Variants in GBA2 observed in about 807,000 individuals in gnomAD.
GBA2 encodes glucosylceramidase beta 2.
Under a neutral mutation model 112.9 loss-of-function variants are expected in GBA2, and 79 were observed. The ratio of observed to expected loss-of-function variants is 0.70; its 90% CI spans 0.58 to 0.84. GBA2 has a LOEUF of 0.84. GBA2 is among the 40% of genes least tolerant of loss of function. GBA2 has a pLI of 0.00. For missense variants in GBA2, 1,043 were observed against 1,190.0 expected, an observed-to-expected ratio of 0.88 and a Z score of 1.82; for synonymous variants, 403 against 434.3, an observed-to-expected ratio of 0.93 and a Z score of 0.90.
At chr9:35,744,219 C>A in intron 3 of GBA2, 78 bp downstream of exon 3, 1 of 806,674 alleles carries the variant, frequency 1.2e-6, no homozygotes, top group Non-Finnish European at 2.2e-6. Context: ...TAACTGCTAC[C>A]TTCTACACTA....
Position 35,741,024 on chromosome 9 carries a change from T to C in GBA2, c.827A>G (p.Glu276Gly). ...LPVGVFVWDV[E>G]NEGDEALDVS... ...ATCTAGAGCTTCGTCCCCTTCATTT[T>C]CCACATCCCACACAAAGACTCCTAC... The change falls in exon 5 of 17, where the codon GAA becomes GGA. Residue 276 changes from glutamate to glycine, a missense_variant. Transcript: ENST00000378103. This position sits in a 1 kb window ranked among gnomAD's most constrained non-coding sequence, Gnocchi z 4.6. 6.2e-7 allele frequency: 1 copy of C among 1,614,130 alleles called. No homozygotes were observed. Among genetic ancestry groups the C allele is most frequent in the Non-Finnish European group, 8.5e-7 (1 of 1,180,004 alleles).
rs954983731 is a variant in GBA2 at position 35,743,160 on chromosome 9, G to A, written c.567+1137C>T. The A allele has an allele frequency of 2.6e-5, 4 of 153,754 alleles. No individual in the cohort carries two copies. In the South Asian group the frequency reaches 6.2e-4, roughly 24 times the overall value. The allele number at this position is 153,754 out of a possible 1,614,324, so 9.5% of individuals were successfully genotyped here. ...GGCCCAACCCCCCATGGATACTGAGGGACAACTGTATAAAATAATTTTTCA... is the reference window on the plus strand; with the variant it reads ...GGCCCAACCCCCCATGGATACTGAGAGACAACTGTATAAAATAATTTTTCA... On this transcript the variant is annotated intron_variant, in intron 3 of 16. Coordinates refer to ENST00000378103, the MANE Select transcript of GBA2 (RefSeq NM_020944.3).
intron 3 of GBA2, among the ~76,000 whole-genome samples, chr9:35,742,510 C>T (rs1206512738): frequency 6.6e-6 from 1 of 152,182 alleles, no homozygotes; most frequent in African/African-American, 2.4e-5. Flanking sequence ...TATGTGTGCC[C>T]CCCTCCCCTT....
rs1470701508 is a variant in GBA2, at chr9:35,737,111, A to G, written c.*58T>C. On this transcript the variant is annotated 3_prime_UTR_variant, in exon 17 of 17. Transcript: ENST00000378103. This position sits in a 1 kb window ranked among gnomAD's most constrained non-coding sequence, Gnocchi z 4.1. ...GTTGCAGGAGGTTCAGAGGGGAAGG[A>G]GGAAAGGCCAGGCTGGAGGCTGGGC... 3 of 1,559,394 alleles carry G rather than the reference A, an allele frequency of 1.9e-6. No individual in the cohort carries two copies. The highest frequency in any genetic ancestry group is 2.4e-5 in the South Asian group (2 of 84,024).
Position 35,748,868 on chromosome 9 carries a change from GT to G in GBA2, c.-165del, listed in dbSNP as rs537513503. 25 of 565,270 alleles carry G rather than the reference GT, an allele frequency of 4.4e-5. No homozygotes were observed. The African/African-American group carries it at 4.7e-4, about 11-fold the overall frequency. 35.0% of individuals were successfully genotyped at this position (565,270 alleles called of 1,614,324 possible). Reference sequence around the variant, plus strand: ...GTGGAGCCGGGGAGCTCTTGCTTCAGTGGGGGCGGCGACAGCAAAGAAGCCG... The same window carrying G: ...GTGGAGCCGGGGAGCTCTTGCTTCAGGGGGGCGGCGACAGCAAAGAAGCCG... On this transcript the variant is annotated 5_prime_UTR_variant, in exon 1 of 17. It introduces an in-frame stop codon into an upstream open reading frame of the 5' UTR. Transcript: ENST00000378103.
chr9:35,743,015 A>G (rs949811206), intron 3 of GBA2, among the ~76,000 whole-genome samples: 1 of 152,216 alleles, frequency 6.6e-6, no homozygotes, highest in African/African-American at 2.4e-5. Flanking sequence ...ACAATGTATG[A>G]GGTATTATAA....
At chr9:35,747,677 C>T (rs1827043143) in intron 1 of GBA2, among the ~76,000 whole-genome samples, 1 of 152,214 alleles carries the variant, frequency 6.6e-6, no homozygotes, top group East Asian at 1.9e-4. Flanking sequence ...ATGGGTCTGG[C>T]TCCTCATCAC....
intron 10 of GBA2, 86 bp downstream of exon 10, chr9:35,739,229 G>A (rs1826474877): frequency 1.9e-6 from 2 of 1,072,330 alleles, no homozygotes; most frequent in Non-Finnish European, 2.9e-6. Context: ...TGAAGGGAAG[G>A]GAAAGAAGAG....
At position 35,744,723 on chromosome 9, in the gene GBA2, A is replaced by G; in HGVS notation, c.360-17T>C. ...TGCAGGTACCTGAGGAGCAAGAGGC[A>G]ATGTGAGTGGAAGGGGGCAGGTGGG... On this transcript the variant is annotated splice_polypyrimidine_tract_variant and intron_variant, in intron 1 of 16. Coordinates refer to ENST00000378103, the MANE Select transcript of GBA2 (RefSeq NM_020944.3). The G allele has an allele frequency of 1.4e-6, 2 of 1,443,552 alleles. No homozygotes were observed. Among genetic ancestry groups the G allele is most frequent in the Non-Finnish European group, 2.0e-6 (2 of 1,024,248 alleles). The allele number at this position is 1,443,552 out of a possible 1,614,324, so 89.4% of individuals were successfully genotyped here.
chr9:35,738,160 C>A lies in GBA2; in HGVS notation c.2198-8G>T, dbSNP rs771881328. 1.9e-6 allele frequency: 3 copies of A among 1,613,394 alleles called. No individual in the cohort carries two copies. The highest frequency in any genetic ancestry group is 3.3e-5 in the Admixed American group (2 of 60,022). ...CATAGTTGTAATAGCGGCCTGGAGT[C>A]GAGGAAGAGAAAAATAAGGCTCCTG... On this transcript the variant is annotated splice_region_variant and splice_polypyrimidine_tract_variant and intron_variant, in intron 14 of 16. Coordinates refer to ENST00000378103, the MANE Select transcript of GBA2 (RefSeq NM_020944.3).
intron 9 of GBA2, 74 bp downstream of exon 9, chr9:35,739,554 A>C (rs1588010151): frequency 7.0e-7 from 1 of 1,433,828 alleles, no homozygotes; most frequent in Non-Finnish European, 9.7e-7. Flanking sequence ...CCTAACCAAT[A>C]CCCTGGGGTA....
chr9:35,748,407 G>A lies in GBA2; in HGVS notation c.298C>T (p.Pro100Ser), dbSNP rs1229527886. Residue 100 changes from proline (P) to serine (S), a missense_variant, in exon 1 of 17, where the codon CCC becomes TCC. Physicochemically the swap from Pro to Ser is moderately conservative, Grantham distance 74. Coordinates refer to ENST00000378103, the MANE Select transcript of GBA2 (RefSeq NM_020944.3). Reference sequence around the variant, plus strand: ...AGGGAGACGTTGTTAGCTTGAAAGGGTTTCCTCTTCTCTGTAAACTCATGA... The same window carrying A: ...AGGGAGACGTTGTTAGCTTGAAAGGATTTCCTCTTCTCTGTAAACTCATGA... ...LAHEFTEKRK[P>S]FQANNVSLSN... is the part of the protein sequence containing the mutation. The A allele has an allele frequency of 6.2e-7, 1 of 1,614,062 alleles. No homozygotes were observed.
rs1826565920 is a variant in GBA2 at position 35,740,204 on chromosome 9, C to G, written c.1283+5G>C. On this transcript the variant is annotated splice_donor_5th_base_variant and intron_variant, in intron 7 of 16. Coordinates refer to ENST00000378103, the MANE Select transcript of GBA2 (RefSeq NM_020944.3). The surrounding 1 kb of genome is among the most constrained non-coding windows in gnomAD (Gnocchi z 4.7). The stretch of plus-strand genomic sequence containing the variant: ...TGGATCCTTACACTTTCTTGGTCCC[C>G]TCACCTGTAGTGGACTTGGCCTTTA... 6.2e-7 allele frequency: 1 copy of G among 1,613,952 alleles called. No individual in the cohort carries two copies. The highest frequency in any genetic ancestry group is 8.5e-7 in the Non-Finnish European group (1 of 1,179,966).
rs181070944 is a variant in GBA2 at position 35,741,541 on chromosome 9, G to C, written c.786+131C>G. 1.4e-6 allele frequency: 1 copy of C among 727,982 alleles called. No individual in the cohort carries two copies. The highest frequency in any genetic ancestry group is 1.5e-5 in the South Asian group (1 of 66,072). The allele number at this position is 727,982 out of a possible 1,614,324, so 45.1% of individuals were successfully genotyped here. On this transcript the variant is annotated intron_variant, in intron 4 of 16. Coordinates refer to ENST00000378103, the MANE Select transcript of GBA2 (RefSeq NM_020944.3). This position sits in a 1 kb window ranked among gnomAD's most constrained non-coding sequence, Gnocchi z 4.6. ...TCTCGATCTCCTGATCTCATGATCC[G>C]CCTGCCTTGGCCTCCCAAAGTGTTG...
Position 35,748,563 on chromosome 9 carries a change from G to A in GBA2, c.142C>T (p.Pro48Ser). 1 of 1,614,144 alleles carries A rather than the reference G, an allele frequency of 6.2e-7. No homozygotes were observed. The highest frequency in any genetic ancestry group is 8.5e-7 in the Non-Finnish European group (1 of 1,179,984). Residue 48 changes from proline (P) to serine (S), a missense_variant, in exon 1 of 17, where the codon CCC (proline) becomes TCC (serine). Physicochemically the swap from Pro to Ser is moderately conservative, Grantham distance 74. Coordinates refer to ENST00000378103, the MANE Select transcript of GBA2 (RefSeq NM_020944.3). Reference sequence around the variant, plus strand: ...TCTTTTGGGGGTCGGCTGTCTTCGGGACTCTTACAGTCTGTAACCTGCACA... The same window carrying A: ...TCTTTTGGGGGTCGGCTGTCTTCGGAACTCTTACAGTCTGTAACCTGCACA... The part of the protein sequence containing the change: ...KDVQVTDCKS[P>S]EDSRPPKETD...
Position 35,737,656 on chromosome 9 carries a change from C to T in GBA2, c.2505+92G>A. ...GAGGCTTTATAGACGGACAAGATGG[C>T]ATTGGGTTATGCCTTGAAGAAATTT... is the stretch of plus-strand genomic sequence containing the variant. On this transcript the variant is annotated intron_variant, in intron 16 of 16. Coordinates refer to ENST00000378103, the MANE Select transcript of GBA2 (RefSeq NM_020944.3). This position sits in a 1 kb window ranked among gnomAD's most constrained non-coding sequence, Gnocchi z 4.1. The T allele has an allele frequency of 1.2e-6, 2 of 1,610,212 alleles. No homozygotes were observed. Among genetic ancestry groups the T allele is most frequent in the Non-Finnish European group, 1.7e-6 (2 of 1,177,714 alleles).
At chr9:35,745,213 C>T (rs1232498674) in intron 1 of GBA2, among the ~76,000 whole-genome samples, 1 of 152,096 alleles carries the variant, frequency 6.6e-6, no homozygotes, top group Non-Finnish European at 1.5e-5. Flanking sequence ...AACTCCGCCT[C>T]CCAAGTTCAA....
rs1215536104 is a variant in GBA2, at chr9:35,746,137, A to T, written c.360-1431T>A. On this transcript the variant is annotated intron_variant, in intron 1 of 16. Transcript: ENST00000378103. This position sits in a 1 kb window ranked among gnomAD's most constrained non-coding sequence, Gnocchi z 5.2. ...TTCCTTGGGGAAAGGGACAATGACA[A>T]AGACTAGCTGAATATTACCCTCAGG... Among the ~76,000 whole-genome samples, 1 of 152,254 alleles carries T rather than the reference A, an allele frequency of 6.6e-6. No homozygotes were observed. The highest frequency in any genetic ancestry group is 6.5e-5 in the Admixed American group (1 of 15,286).
In GBA2 at chr9:35,739,697, C is replaced by T. The variant is rs376682234; in HGVS notation, c.1513G>A (p.Glu505Lys). 5 of 1,614,016 alleles carry T rather than the reference C, an allele frequency of 3.1e-6. No individual in the cohort carries two copies. In the African/African-American group the frequency reaches 4.0e-5, roughly 13 times the overall value. ...AGGTGACACATGTTTCTGCCCAGCT[C>T]CTCTGGTAGGGAGTCCTCAAGAACT... ...LEVLEDSLPE[E>K]LGRNMCHLRP... The change falls in exon 9 of 17, where the codon GAG becomes AAG. Residue 505 changes from glutamate to lysine, a missense_variant. Glu to Lys is a moderately conservative substitution (Grantham distance 56). Transcript: ENST00000378103.
Sources: gnomAD v4.1 joint callset for allele counts (sites outside exome capture counted in the v4.1 genomes callset) on GRCh38, gnomAD v4.1.1 for gene constraint, Gnocchi (gnomAD v3.1) non-coding constraint, MANE v1.5 for transcripts, NCBI Gene and HGNC (gene_info 2026-07-23, HGNC 2026-07-21) for gene names.